Variants in ZNF804B observed in about 807,000 individuals in gnomAD.
ZNF804B encodes zinc finger protein 804B.
In ZNF804B, 80 loss-of-function variants were observed where a neutral mutation model predicts 101.4. That is an observed-to-expected ratio of 0.79 (90% CI 0.66 to 0.95). The LOEUF (loss-of-function observed/expected upper bound fraction) is 0.95, where lower values mean the gene tolerates loss of function less well. Among genes scored for constraint, ZNF804B ranks in the 40% least tolerant of loss-of-function variants. The probability of loss-of-function intolerance (pLI) is 0.00; values close to 1 mark genes in which losing one functional copy is unlikely to be tolerated. For synonymous variants in ZNF804B, 622 were observed against 558.8 expected, an observed-to-expected ratio of 1.11 and a Z score of -1.59; for missense variants, 1,673 against 1,561.9, an observed-to-expected ratio of 1.07 and a Z score of -1.20.
chr7:89,244,300 A>C (rs2115770467), intron 2 of ZNF804B, among the ~76,000 whole-genome samples: 1 of 152,184 alleles, frequency 6.6e-6, no homozygotes, highest in South Asian at 2.1e-4. Context: ...AATTATGATG[A>C]TTATATATAG....
chr7:89,289,524 CAG>C (rs1790255177), intron 2 of ZNF804B, among the ~76,000 whole-genome samples: 1 of 152,098 alleles, frequency 6.6e-6, no homozygotes, highest in Non-Finnish European at 1.5e-5. Flanking sequence ...CCATGTGGTA[CAG>C]AGAGAATCTG....
intron 1 of ZNF804B, among the ~76,000 whole-genome samples, chr7:88,845,282 C>T (rs948665025): frequency 7.9e-6 from 1 of 126,654 alleles, no homozygotes; most frequent in Non-Finnish European, 1.6e-5. Flanking sequence ...TGTGTGCGCA[C>T]GCGCGCGCGC....
At chr7:89,287,563 A>G (rs1344244495) in intron 2 of ZNF804B, among the ~76,000 whole-genome samples, 1 of 152,178 alleles carries the variant, frequency 6.6e-6, no homozygotes, top group Admixed American at 6.5e-5. Flanking sequence ...CGGATAAACT[A>G]TTTGTTGGGG....
intron 1 of ZNF804B, among the ~76,000 whole-genome samples, chr7:89,125,443 A>G (rs756501521): frequency 1.5e-4 from 23 of 152,158 alleles, no homozygotes; most frequent in Middle Eastern, 3.4e-3. Context: ...TTAATCTCAT[A>G]TCTCAAAGAA....
intron 2 of ZNF804B, among the ~76,000 whole-genome samples, chr7:89,272,991 A>T (rs1320635452): frequency 6.6e-6 from 1 of 152,158 alleles, no homozygotes; most frequent in Non-Finnish European, 1.5e-5. Flanking sequence ...AATGCTATGT[A>T]GCTGCAGTTT....
intron 1 of ZNF804B, among the ~76,000 whole-genome samples, chr7:89,136,233 T>C (rs999438785): frequency 1.3e-5 from 2 of 152,114 alleles, no homozygotes; most frequent in African/African-American, 4.8e-5. Flanking sequence ...TGCCTGTTTG[T>C]GTTGTGTGCA....
intron 2 of ZNF804B, among the ~76,000 whole-genome samples, chr7:89,286,569 C>T (rs374106343): frequency 4.6e-5 from 7 of 152,210 alleles, no homozygotes; most frequent in Admixed American, 2.6e-4. Context: ...TTCAAGATAT[C>T]GATCCTGGGG....
chr7:89,056,421 G>T (rs1038091392), intron 1 of ZNF804B, among the ~76,000 whole-genome samples: 1 of 152,062 alleles, frequency 6.6e-6, no homozygotes, highest in Non-Finnish European at 1.5e-5. Context: ...TTGAAAACGG[G>T]GTTTGAGGAA....
At chr7:89,258,454 T>A (rs1789667108) in intron 2 of ZNF804B, among the ~76,000 whole-genome samples, 1 of 152,180 alleles carries the variant, frequency 6.6e-6, no homozygotes, top group Non-Finnish European at 1.5e-5. Context: ...CATAGTTGAA[T>A]TATAACAAAA....
intron 1 of ZNF804B, among the ~76,000 whole-genome samples, chr7:89,130,815 C>T (rs17166931): frequency 0.092 from 13,905 of 151,830 alleles, 1,335 homozygotes; most frequent in African/African-American, 0.25. Flanking sequence ...GATTTTTATA[C>T]CAAGGTAGAG....
At chr7:89,028,910 A>G (rs1317084596) in intron 1 of ZNF804B, among the ~76,000 whole-genome samples, 1 of 152,126 alleles carries the variant, frequency 6.6e-6, no homozygotes, top group East Asian at 1.9e-4. Flanking sequence ...AGCAATTGTT[A>G]TTATTATATT....
intron 1 of ZNF804B, among the ~76,000 whole-genome samples, chr7:89,133,712 T>C (rs913348140): frequency 1.4e-4 from 21 of 152,058 alleles, no homozygotes; most frequent in Non-Finnish European, 2.9e-4. Context: ...TACAAGCAAA[T>C]AGTAGAAATA....
chr7:88,859,308 T>C (rs1165583059), intron 1 of ZNF804B, among the ~76,000 whole-genome samples: 1 of 152,100 alleles, frequency 6.6e-6, no homozygotes, highest in Non-Finnish European at 1.5e-5. Flanking sequence ...ATACAACTAA[T>C]GAGTTTAGCA....
intron 1 of ZNF804B, among the ~76,000 whole-genome samples, chr7:88,997,984 C>G (rs139204544): frequency 1.0e-3 from 158 of 152,176 alleles, no homozygotes; most frequent in Non-Finnish European, 2.0e-3. Context: ...TCTTAGCACT[C>G]TTATTAGCCT....
At chr7:88,917,572 A>G (rs181121475) in intron 1 of ZNF804B, among the ~76,000 whole-genome samples, 29 of 152,278 alleles carry the variant, frequency 1.9e-4, no homozygotes, top group East Asian at 1.4e-3. Context: ...CTGAGATGCT[A>G]TTCTTGGAAT....
At chr7:89,215,893 AAAT>A (rs1386177398) in intron 1 of ZNF804B, among the ~76,000 whole-genome samples, 12 of 148,286 alleles carry the variant, frequency 8.1e-5, no homozygotes, top group Non-Finnish European at 1.5e-4. Flanking sequence ...CTAAATAAAT[AAAT>A]AAATAAATAA....
intron 2 of ZNF804B, among the ~76,000 whole-genome samples, chr7:89,261,446 T>C (rs1313920083): frequency 6.6e-6 from 1 of 152,164 alleles, no homozygotes; most frequent in East Asian, 1.9e-4. Context: ...GTTTCTTATA[T>C]AGTTATTGAA....
chr7:88,985,803 C>T (rs1157530155), intron 1 of ZNF804B, among the ~76,000 whole-genome samples: 1 of 152,064 alleles, frequency 6.6e-6, no homozygotes, highest in Non-Finnish European at 1.5e-5. Flanking sequence ...CTATAACCAC[C>T]ATGGGTCACC....
chr7:89,283,924 A>G (rs1790136927), intron 2 of ZNF804B, among the ~76,000 whole-genome samples: 1 of 152,134 alleles, frequency 6.6e-6, no homozygotes, highest in Non-Finnish European at 1.5e-5. Context: ...ACTTAGAAAT[A>G]TCAAAAAGGT....
Sources: gnomAD v4.1 joint callset for allele counts (sites outside exome capture counted in the v4.1 genomes callset) on GRCh38, gnomAD v4.1.1 for gene constraint, MANE v1.5 for transcripts, NCBI Gene and HGNC (gene_info 2026-07-23, HGNC 2026-07-21) for gene names.